ETV1: variants seen among roughly 807,000 people sequenced by gnomAD.
The protein encoded by ETV1 is ETS variant transcription factor 1.
ETV1 carries 27 observed loss-of-function variants against 62.3 expected under a neutral mutation model. The observed-to-expected ratio is 0.43, with a 90% confidence interval of 0.32 to 0.60. The LOEUF (loss-of-function observed/expected upper bound fraction) is 0.60. Among genes scored for constraint, ETV1 ranks in the 20% least tolerant of loss-of-function variants. ETV1 has a pLI of 0.06. For synonymous variants in ETV1, 222 were observed against 199.6 expected, an observed-to-expected ratio of 1.11 and a Z score of -0.94; for missense variants, 605 against 605.8, an observed-to-expected ratio of 1.00 and a Z score of 0.01.
chr7:13,977,363 G>C (rs1583874826), intron 6 of ETV1, 64 bp downstream of exon 6: 4 of 1,152,080 alleles, frequency 3.5e-6, no homozygotes, highest in Non-Finnish European at 5.0e-6. Context: ...CAACCAAAGA[G>C]AAAGAAGAAA....
At chr7:13,962,038 G>A (rs559787572) in intron 6 of ETV1, among the ~76,000 whole-genome samples, 1 of 152,024 alleles carries the variant, frequency 6.6e-6, no homozygotes, top group African/African-American at 2.4e-5. Context: ...ATGAATGCAC[G>A]TGTGATATAT....
At chr7:13,972,815 G>A (rs528586355) in intron 6 of ETV1, among the ~76,000 whole-genome samples, 5 of 152,054 alleles carry the variant, frequency 3.3e-5, no homozygotes, top group Admixed American at 6.5e-5. Context: ...TCATTATGTT[G>A]CCCAGGCTGG....
chr7:13,922,051 C>T (rs1784903098), intron 9 of ETV1, among the ~76,000 whole-genome samples: 1 of 151,928 alleles, frequency 6.6e-6, no homozygotes, highest in Non-Finnish European at 1.5e-5. Context: ...AAAGTCTGAT[C>T]AATGTAATAC....
At chr7:13,988,620 G>GAAAAAAAA in intron 3 of ETV1, 6 of 1,095,870 alleles carry the variant, frequency 5.5e-6, no homozygotes, top group Admixed American at 4.2e-5. Context: ...GAGAAAATGA[G>GAAAAAAAA]AAAAAAAAAA....
intron 6 of ETV1, among the ~76,000 whole-genome samples, chr7:13,974,020 T>G (rs1399449378): frequency 3.3e-5 from 5 of 152,212 alleles, no homozygotes; most frequent in Non-Finnish European, 7.3e-5. Flanking sequence ...GTGTTTCTTG[T>G]ACCCTCAAGA....
At chr7:13,945,285 G>GT (rs1392064737) in intron 6 of ETV1, among the ~76,000 whole-genome samples, 1 of 152,054 alleles carries the variant, frequency 6.6e-6, no homozygotes, top group Non-Finnish European at 1.5e-5. Context: ...GTTGAAAAGA[G>GT]TTTTTTTTAA....
rs556990303 is a variant in ETV1, at chr7:13,933,291, A to G, written c.555-1542T>C. Among the ~76,000 whole-genome samples the G allele has an allele frequency of 3.1e-4, 47 of 152,320 alleles. 1 individual carries two copies. The highest frequency in any genetic ancestry group is 1.1e-3 in the African/African-American group (45 of 41,582). ...GCTGGGGAACATGTATATATCAAAC[A>G]CGCATGCTTCTCAGGAATTTGCAAG... On this transcript the variant is annotated intron_variant, in intron 8 of 13. Coordinates refer to ENST00000430479, the MANE Select transcript of ETV1 (RefSeq NM_004956.5).
intron 6 of ETV1, among the ~76,000 whole-genome samples, chr7:13,942,672 C>G (rs1315804158): frequency 6.6e-6 from 1 of 152,072 alleles, no homozygotes. Context: ...TTTAGCACTT[C>G]AGATTAAGTA....
At chr7:13,946,158 C>T (rs1220995829) in intron 6 of ETV1, among the ~76,000 whole-genome samples, 2 of 152,122 alleles carry the variant, frequency 1.3e-5, no homozygotes, top group African/African-American at 4.8e-5. Flanking sequence ...TATTTTTTAT[C>T]CCTGACTTCA....
At chr7:13,915,665 C>T (rs1784073859) in intron 9 of ETV1, among the ~76,000 whole-genome samples, 1 of 152,152 alleles carries the variant, frequency 6.6e-6, no homozygotes, top group Non-Finnish European at 1.5e-5. Context: ...TACTTTTAGC[C>T]TGCTTTTCCA....
At chr7:13,948,106 G>A (rs969164757) in intron 6 of ETV1, among the ~76,000 whole-genome samples, 5 of 152,054 alleles carry the variant, frequency 3.3e-5, no homozygotes, top group African/African-American at 1.2e-4. Context: ...GTGACCAAAG[G>A]CATTTAAAAA....
intron 6 of ETV1, among the ~76,000 whole-genome samples, chr7:13,941,186 A>G (rs74933599): frequency 0.014 from 2,123 of 152,310 alleles, 36 homozygotes; most frequent in Non-Finnish European, 0.015. Context: ...TCAAGAATCA[A>G]TTATGAGGAC....
intron 6 of ETV1, among the ~76,000 whole-genome samples, chr7:13,964,187 C>A (rs936452563): frequency 2.0e-5 from 3 of 152,046 alleles, no homozygotes; most frequent in Non-Finnish European, 1.5e-5. Flanking sequence ...AGAAAAACAA[C>A]CCCAAACAGC....
chr7:13,914,271 A>C (rs934112797), intron 9 of ETV1, among the ~76,000 whole-genome samples: 1 of 152,116 alleles, frequency 6.6e-6, no homozygotes, highest in Non-Finnish European at 1.5e-5. Context: ...TTTTAAATTA[A>C]ATCTAAAAAT....
At chr7:13,957,123 T>C (rs1242802055) in intron 6 of ETV1, among the ~76,000 whole-genome samples, 1 of 152,108 alleles carries the variant, frequency 6.6e-6, no homozygotes, top group Non-Finnish European at 1.5e-5. Context: ...TCTCGCTCTG[T>C]CGCCCAGGCT....
chr7:13,988,143 G>A lies in ETV1; in HGVS notation c.76C>T (p.Pro26Ser), dbSNP rs747119926. Residue 26 changes from proline (P) to serine (S), a missense_variant, in exon 4 of 14, where the codon CCA (proline) becomes TCA (serine). Around this residue, in one of 3 missense-constraint regions of ETV1, gnomAD observed 426 missense variants for 377.8 expected, o/e 1.13. Coordinates refer to ENST00000430479, the MANE Select transcript of ETV1 (RefSeq NM_004956.5). ...SQRGRNCNEK[P>S]TNVRKRKFIN... ...AATTTTCTTTTCCTGACATTTGTTG[G>A]TTTCTCGTTACAATTTCTCCCACGC... The A allele has an allele frequency of 1.9e-6, 3 of 1,612,180 alleles. No individual in the cohort carries two copies. Among genetic ancestry groups the A allele is most frequent in the Non-Finnish European group, 2.5e-6 (3 of 1,178,528 alleles).
rs541050645 is a variant in ETV1, at chr7:13,917,311, T to C, written c.803-6004A>G. On this transcript the variant is annotated intron_variant, in intron 9 of 13. Transcript: ENST00000430479. ...GAGTATTTATTTATTTATTTATTTA[T>C]TTATTTATTTATTTATTTATTTTGA... 1.5e-3 allele frequency among the ~76,000 whole-genome samples: 224 copies of C among 151,138 alleles called. 1 individual carries two copies. The highest frequency in any genetic ancestry group is 3.4e-3 in the Middle Eastern group (1 of 294).
chr7:13,931,265 T>C (rs906988438), intron 9 of ETV1, among the ~76,000 whole-genome samples: 1 of 152,216 alleles, frequency 6.6e-6, no homozygotes, highest in Non-Finnish European at 1.5e-5. Context: ...TTCTGTAAAG[T>C]GTATTTTTCT....
intron 13 of ETV1, among the ~76,000 whole-genome samples, chr7:13,897,962 A>G (rs971741958): frequency 6.6e-6 from 1 of 152,222 alleles, no homozygotes; most frequent in African/African-American, 2.4e-5. Context: ...ATACTTAAAA[A>G]TTATGTAATA....
Sources: allele counts gnomAD v4.1 joint callset (sites outside exome capture counted in the v4.1 genomes callset), GRCh38; gene constraint gnomAD v4.1.1; regional missense constraint gnomAD v4.1.1; transcripts MANE v1.5; gene names NCBI Gene and HGNC (gene_info 2026-07-23, HGNC 2026-07-21).